PCCA: variants seen among roughly 807,000 people sequenced by gnomAD.
The protein encoded by PCCA is propionyl-CoA carboxylase subunit alpha, also known as propionyl-CoA carboxylase alpha chain, mitochondrial.
A neutral mutation model predicts 101.3 loss-of-function variants in PCCA; 74 were observed. That is an observed-to-expected ratio of 0.73 (90% confidence interval 0.61 to 0.89). The LOEUF (loss-of-function observed/expected upper bound fraction) is 0.89. PCCA is among the 40% of genes least tolerant of loss of function. The pLI is 0.00. For missense variants in PCCA, 891 were observed against 907.0 expected, an observed-to-expected ratio of 0.98 and a Z score of 0.23; for synonymous variants, 294 against 313.6, an observed-to-expected ratio of 0.94 and a Z score of 0.66.
chr13:100,402,271 A>T (rs2077413687), intron 19 of PCCA, among the ~76,000 whole-genome samples: 1 of 150,288 alleles, frequency 6.7e-6, no homozygotes. Flanking sequence ...TTTTTTTTTT[A>T]AAGAACCATG....
chr13:100,442,299 T>G (rs1050235168), intron 20 of PCCA, among the ~76,000 whole-genome samples: 4 of 152,032 alleles, frequency 2.6e-5, no homozygotes, highest in African/African-American at 9.7e-5. Context: ...TGGCCTGTCC[T>G]TCCTTCCTTC....
At chr13:100,116,495 A>G (rs1370631071) in intron 4 of PCCA, among the ~76,000 whole-genome samples, 1 of 152,192 alleles carries the variant, frequency 6.6e-6, no homozygotes, top group Non-Finnish European at 1.5e-5. Flanking sequence ...TTTAGAGATG[A>G]TTATGCAGTT....
intron 22 of PCCA, among the ~76,000 whole-genome samples, chr13:100,522,111 G>A (rs1365687629): frequency 2.0e-5 from 3 of 152,182 alleles, no homozygotes; most frequent in Admixed American, 6.5e-5. Context: ...GAAATCATTC[G>A]GAAGTGCTTC....
intron 6 of PCCA, among the ~76,000 whole-genome samples, chr13:100,203,330 T>G (rs1375091578): frequency 6.6e-6 from 1 of 152,018 alleles, no homozygotes; most frequent in Non-Finnish European, 1.5e-5. Context: ...ATTGGTATGT[T>G]TTTCTCCTGT....
At chr13:100,332,139 A>G (rs1442207949) in intron 17 of PCCA, among the ~76,000 whole-genome samples, 1 of 152,034 alleles carries the variant, frequency 6.6e-6, no homozygotes, top group East Asian at 1.9e-4. Flanking sequence ...GGGTTTCACC[A>G]TGTTGGCCAG....
At chr13:100,184,908 C>T (rs2057120004) in intron 6 of PCCA, among the ~76,000 whole-genome samples, 1 of 152,120 alleles carries the variant, frequency 6.6e-6, no homozygotes. Flanking sequence ...TCTTCCTCAT[C>T]TTTAATGGTT....
At chr13:100,349,437 A>G (rs951424365) in intron 18 of PCCA, among the ~76,000 whole-genome samples, 2 of 150,200 alleles carry the variant, frequency 1.3e-5, no homozygotes, top group African/African-American at 4.9e-5. Context: ...TAATTTTTGT[A>G]TTTTTCGTAG....
intron 18 of PCCA, among the ~76,000 whole-genome samples, chr13:100,366,443 G>A (rs1013862159): frequency 6.6e-6 from 1 of 152,020 alleles, no homozygotes; most frequent in Non-Finnish European, 1.5e-5. Flanking sequence ...CCTGTGCCAG[G>A]AGCTGGAGAT....
At chr13:100,417,372 C>G (rs1464306236) in intron 19 of PCCA, among the ~76,000 whole-genome samples, 1 of 152,170 alleles carries the variant, frequency 6.6e-6, no homozygotes. Context: ...CCAAACACTC[C>G]GTGCTCCATG....
intron 18 of PCCA, among the ~76,000 whole-genome samples, chr13:100,356,498 A>G (rs972909298): frequency 2.6e-5 from 4 of 152,186 alleles, no homozygotes; most frequent in Admixed American, 2.0e-4. Context: ...AGCCCATAAA[A>G]GATGCTCTGT....
chr13:100,390,311 G>A (rs1375644279), intron 19 of PCCA, among the ~76,000 whole-genome samples: 1 of 152,164 alleles, frequency 6.6e-6, no homozygotes, highest in African/African-American at 2.4e-5. Context: ...GCATAGAGAG[G>A]TTACGTCTAG....
chr13:100,131,912 A>C (rs1017183352), intron 4 of PCCA, among the ~76,000 whole-genome samples: 1 of 152,150 alleles, frequency 6.6e-6, no homozygotes, highest in African/African-American at 2.4e-5. Context: ...GGTGTTTTGT[A>C]AGTGTGGAAC....
chr13:100,449,369 C>G, intron 21 of PCCA, 64 bp downstream of exon 21: 1 of 982,800 alleles, frequency 1.0e-6, no homozygotes, highest in Non-Finnish European at 1.5e-6. Flanking sequence ...CTAGTTGTAG[C>G]TCATGTGTTT....
Position 100,282,321 on chromosome 13 carries a change from C to G in PCCA, c.1065+8975C>G, listed in dbSNP as rs571018240. 9.2e-5 allele frequency among the ~76,000 whole-genome samples: 14 copies of G among 152,382 alleles called. No individual in the cohort carries two copies. The East Asian group carries it at 1.5e-3, about 17-fold the overall frequency. On this transcript the variant is annotated intron_variant, in intron 12 of 23. Coordinates refer to ENST00000376285, the MANE Select transcript of PCCA (RefSeq NM_000282.4). ...AGCCCTCGCTCGCTCTCGGCGCCTC[C>G]TCTGCCTGGGCTCCAACTTTGGCGG... is the stretch of plus-strand genomic sequence containing the variant.
chr13:100,241,626 A>G lies in PCCA; in HGVS notation c.637+5748A>G, dbSNP rs183898745. ...GCTAGGACTACAGGTGTGTGCCACT[A>G]TGCCTAATTTTTGTATTTTTTTGTA... On this transcript the variant is annotated intron_variant, in intron 8 of 23. Coordinates refer to ENST00000376285, the MANE Select transcript of PCCA (RefSeq NM_000282.4). 9.2e-5 allele frequency among the ~76,000 whole-genome samples: 14 copies of G among 152,096 alleles called. No individual in the cohort carries two copies. The East Asian group carries it at 1.5e-3, about 17-fold the overall frequency.
At chr13:100,395,024 G>A (rs2076978599) in intron 19 of PCCA, among the ~76,000 whole-genome samples, 1 of 152,138 alleles carries the variant, frequency 6.6e-6, no homozygotes, top group Non-Finnish European at 1.5e-5. Context: ...AGGGGGTTTG[G>A]GGCTGTACAC....
Position 100,515,461 on chromosome 13 carries a change from A to C in PCCA, c.1934A>C (p.Glu645Ala). 6.2e-7 allele frequency: 1 copy of C among 1,614,154 alleles called. No homozygotes were observed. Among genetic ancestry groups the C allele is most frequent in the Non-Finnish European group, 8.5e-7 (1 of 1,180,010 alleles). ...AATATCTTAACCAGACTTGCCGCAG[A>C]ATTGAACAAATTTATGCTGGAAAAA... The part of the protein sequence containing the change: ...KVNILTRLAA[E>A]LNKFMLEKVT... The change falls in exon 22 of 24, where the codon GAA (glutamate) becomes GCA (alanine). Residue 645 changes from glutamate (E) to alanine (A), a missense_variant. By Grantham distance (107) the Glu-to-Ala change is moderately radical. Transcript: ENST00000376285.
At chr13:100,512,263 T>C (rs564674258) in intron 21 of PCCA, among the ~76,000 whole-genome samples, 2 of 152,274 alleles carry the variant, frequency 1.3e-5, no homozygotes, top group South Asian at 4.2e-4. Context: ...TTTAATCTTT[T>C]GGGAGAAATT....
chr13:100,347,896 C>G (rs1365028882), intron 18 of PCCA, among the ~76,000 whole-genome samples: 1 of 152,114 alleles, frequency 6.6e-6, no homozygotes, highest in Non-Finnish European at 1.5e-5. Context: ...AATTGCTACA[C>G]CCTATAACAG....
Sources: gnomAD v4.1 joint callset for allele counts (sites outside exome capture counted in the v4.1 genomes callset) on GRCh38, gnomAD v4.1.1 for gene constraint, MANE v1.5 for transcripts, NCBI Gene and HGNC (gene_info 2026-07-23, HGNC 2026-07-21) for gene names.